Variants in EP400 observed in about 807,000 individuals in gnomAD.
The protein encoded by EP400 is E1A binding protein p400.
EP400 carries 105 observed loss-of-function variants against 354.1 expected under a neutral mutation model. The observed-to-expected ratio is 0.30, with a 90% CI of 0.25 to 0.35. The LOEUF is 0.35. Among genes scored for constraint, EP400 ranks in the 10% least tolerant of loss-of-function variants. The pLI, the probability that EP400 is intolerant of heterozygous loss-of-function variation, is 1.00. For missense variants in EP400, 3,280 were observed against 4,121.0 expected (o/e 0.80, Z 5.59); for synonymous variants, 1,646 against 1,716.9 (o/e 0.96, Z 1.02).
chr12:132,010,391 G>A (rs1026218918), intron 15 of EP400, among the ~76,000 whole-genome samples: 2 of 152,096 alleles, frequency 1.3e-5, no homozygotes, highest in Non-Finnish European at 2.9e-5. Context: ...AGCCGGTTGT[G>A]TCTTTTAAAG....
At chr12:132,008,140 G>A (rs1266949961) in intron 15 of EP400, among the ~76,000 whole-genome samples, 1 of 152,142 alleles carries the variant, frequency 6.6e-6, no homozygotes, top group Non-Finnish European at 1.5e-5. Context: ...TAGAGATGGG[G>A]TTTCTCCATG....
intron 1 of EP400, among the ~76,000 whole-genome samples, chr12:131,951,943 CTT>C (rs747111097): frequency 3.5e-5 from 5 of 143,352 alleles, no homozygotes; most frequent in Admixed American, 7.0e-5. Flanking sequence ...CACCTGCCTA[CTT>C]TTTTTTTTTT....
intron 2 of EP400, among the ~76,000 whole-genome samples, chr12:131,976,711 A>G (rs1892487453): frequency 6.6e-6 from 1 of 152,176 alleles, no homozygotes; most frequent in Admixed American, 6.5e-5. Flanking sequence ...CTCTGTCTCA[A>G]AAAAACAAAA....
chr12:132,049,371 C>G (rs1763845754), intron 39 of EP400, among the ~76,000 whole-genome samples: 1 of 152,242 alleles, frequency 6.6e-6, no homozygotes. Flanking sequence ...GAGAATGCTT[C>G]CCTGTATGGT....
intron 51 of EP400, among the ~76,000 whole-genome samples, chr12:132,071,150 C>A (rs149772348): frequency 4.6e-5 from 7 of 152,238 alleles, no homozygotes; most frequent in South Asian, 4.1e-4. Flanking sequence ...AAATTCTGTT[C>A]TTTTCTACTT....
rs1232885093 is a variant in EP400 at position 132,010,067 on chromosome 12, C to T, written c.3305-1431C>T. Among the ~76,000 whole-genome samples, 4 of 150,942 alleles carry T rather than the reference C, an allele frequency of 2.7e-5. 1 individual carries two copies. Among genetic ancestry groups the T allele is most frequent in the South Asian group, 4.2e-4 (2 of 4,782 alleles). On this transcript the variant is annotated intron_variant, in intron 15 of 52. Transcript: ENST00000389561. ...ATCATCTGGATTTGATTTGTGTTTA[C>T]CTACTCTGAGGTTGTGTCTTTTTTT...
intron 27 of EP400, 122 bp downstream of exon 27, chr12:132,028,410 C>A: frequency 7.8e-7 from 1 of 1,284,228 alleles, no homozygotes; most frequent in Non-Finnish European, 1.1e-6. Context: ...TGTCCCTTAG[C>A]GGTCTGTTTT....
Position 132,025,724 on chromosome 12 carries a change from C to A in EP400, c.4934C>A (p.Ser1645Tyr). ...APGPVVMQTV[S>Y]QAGAVHGALG... ...GGCCCTGTGGTGATGCAGACCGTGT[C>A]TCAGGCGGGCGCTGTGCACGGCGCC... is the stretch of plus-strand genomic sequence containing the variant. Residue 1645 changes from serine to tyrosine, a missense_variant, in exon 25 of 53, where the codon TCT becomes TAT. Transcript: ENST00000389561. The surrounding 1 kb of genome is among the most constrained non-coding windows in gnomAD (Gnocchi z 4.1). The A allele has an allele frequency of 6.2e-7, 1 of 1,613,194 alleles. No individual in the cohort carries two copies. Among genetic ancestry groups the A allele is most frequent in the Non-Finnish European group, 8.5e-7 (1 of 1,179,826 alleles).
intron 37 of EP400, 59 bp from the exon 38 acceptor site, chr12:132,045,260 G>T: frequency 6.3e-7 from 1 of 1,591,600 alleles, no homozygotes; most frequent in Non-Finnish European, 8.6e-7. Flanking sequence ...TTTGTCTTTT[G>T]CCTGCCCGTG....
chr12:131,953,923 G>A (rs552246151), intron 1 of EP400, among the ~76,000 whole-genome samples: 20 of 152,044 alleles, frequency 1.3e-4, no homozygotes, highest in African/African-American at 4.8e-4. Context: ...GACCACCCTG[G>A]CCAACGTGGT....
rs1483446326 is a variant in EP400, at chr12:131,982,259, C to T, written c.1710C>T (p.Ala570=). ...RLPPAGVPTA[A]LSSALQFAQQ... is the part of the protein sequence containing the mutation. ...CCCCAGCCGGTGTTCCCACTGCAGC[C>T]CTCTCCTCTGCGCTGCAGTTTGCAC... The change falls in exon 5 of 53, where the codon GCC becomes GCT. Residue 570 remains alanine (A), a synonymous_variant. Transcript: ENST00000389561. The T allele has an allele frequency of 6.2e-7, 1 of 1,614,046 alleles. No individual in the cohort carries two copies. The highest frequency in any genetic ancestry group is 8.5e-7 in the Non-Finnish European group (1 of 1,180,028).
chr12:132,045,970 G>C (rs1895082815), intron 39 of EP400, 70 bp downstream of exon 39: 5 of 1,556,424 alleles, frequency 3.2e-6, no homozygotes, highest in Non-Finnish European at 4.4e-6. Flanking sequence ...TGCAGTTTCA[G>C]CTCCAGTCCT....
In EP400 at chr12:132,070,386, C is replaced by G. The variant is rs960081712; in HGVS notation, c.9021+745C>G. Among the ~76,000 whole-genome samples, 4 of 152,216 alleles carry G rather than the reference C, an allele frequency of 2.6e-5. No homozygotes were observed. Among genetic ancestry groups the G allele is most frequent in the African/African-American group, 9.7e-5 (4 of 41,448 alleles). ...AGCCCAATTCTGTCATCCATCGATC[C>G]ACAGTGCCGCCTCCACCTGAGATCC... On this transcript the variant is annotated intron_variant, in intron 51 of 52. Transcript: ENST00000389561. The surrounding 1 kb of genome is among the most constrained non-coding windows in gnomAD (Gnocchi z 4.1).
rs146126511 is a variant in EP400, at chr12:132,044,235, A to G, written c.6509A>G (p.Glu2170Gly). 1.1e-5 allele frequency: 17 copies of G among 1,614,194 alleles called. No individual in the cohort carries two copies. In the African/African-American group the frequency reaches 2.1e-4, roughly 20 times the overall value. The change falls in exon 35 of 53, where the codon GAG becomes GGG. Residue 2170 changes from glutamate to glycine, a missense_variant. Around this residue, in one of 20 missense-constraint regions of EP400, gnomAD observed 231 missense variants for 257.9 expected, o/e 0.90. Coordinates refer to ENST00000389561, the MANE Select transcript of EP400 (RefSeq NM_015409.5). Reference sequence around the variant, plus strand: ...TTCTGGAACCTGAAGACCCTGCAGGAGAGGGAGGCCCGGCTGCGGCTGGAG... The same window carrying G: ...TTCTGGAACCTGAAGACCCTGCAGGGGAGGGAGGCCCGGCTGCGGCTGGAG... ...WEFWNLKTLQEREARLRLEQE... is the reference protein window; with the variant it reads ...WEFWNLKTLQGREARLRLEQE...
intron 41 of EP400, among the ~76,000 whole-genome samples, chr12:132,051,190 C>T (rs191338146): frequency 5.3e-5 from 8 of 152,288 alleles, no homozygotes; most frequent in Admixed American, 2.6e-4. Context: ...TTCTGACTGT[C>T]GGACTCTTTC....
intron 12 of EP400, among the ~76,000 whole-genome samples, chr12:132,002,313 C>G (rs1377801627): frequency 6.6e-6 from 1 of 152,162 alleles, no homozygotes; most frequent in African/African-American, 2.4e-5. Flanking sequence ...TTTAGTCAAT[C>G]TCTTTATGGT....
At chr12:132,057,457 A>G (rs554843048) in intron 45 of EP400, among the ~76,000 whole-genome samples, 15 of 152,312 alleles carry the variant, frequency 9.8e-5, no homozygotes, top group Admixed American at 3.3e-4. Flanking sequence ...AAAACAGATG[A>G]ATGATTGCCA....
At chr12:131,959,148 A>G (rs1034285650) in intron 1 of EP400, among the ~76,000 whole-genome samples, 2 of 152,220 alleles carry the variant, frequency 1.3e-5, no homozygotes, top group African/African-American at 4.8e-5. Context: ...TGTGCCACCA[A>G]GAGTCCATCT....
At chr12:132,028,868 G>A (rs952878972) in intron 27 of EP400, 1 of 154,298 alleles carries the variant, frequency 6.5e-6, no homozygotes, top group African/African-American at 2.4e-5. Flanking sequence ...GTAGTTCTCA[G>A]TTGTCTCCTG....
Sources: gnomAD v4.1 joint callset for allele counts (sites outside exome capture counted in the v4.1 genomes callset) on GRCh38, gnomAD v4.1.1 for gene constraint, gnomAD v4.1.1 regional missense constraint, Gnocchi (gnomAD v3.1) non-coding constraint, MANE v1.5 for transcripts, NCBI Gene and HGNC (gene_info 2026-07-23, HGNC 2026-07-21) for gene names.